Variants in TCF12 observed in about 807,000 individuals in gnomAD.
TCF12 encodes the protein transcription factor 12.
TCF12 carries 45 observed loss-of-function variants against 86.0 expected under a neutral mutation model. The observed-to-expected ratio is 0.52, with a 90% CI of 0.41 to 0.67. The LOEUF (loss-of-function observed/expected upper bound fraction) is 0.67. Ranked by LOEUF, TCF12 falls within the 30% of genes least tolerant of loss-of-function variation. TCF12 has a pLI of 0.00. For missense variants in TCF12, 881 were observed against 859.9 expected, an observed-to-expected ratio of 1.02 and a Z score of -0.31; for synonymous variants, 330 against 299.6, an observed-to-expected ratio of 1.10 and a Z score of -1.05.
chr15:57,007,802 C>CTTTA (rs760842955), intron 3 of TCF12, among the ~76,000 whole-genome samples: 1 of 121,024 alleles, frequency 8.3e-6, no homozygotes, highest in East Asian at 2.4e-4. Flanking sequence ...CTCTTTCTTT[C>CTTTA]TTTCTTTCTT....
At chr15:57,201,604 A>G (rs2057545828) in intron 8 of TCF12, among the ~76,000 whole-genome samples, 1 of 152,138 alleles carries the variant, frequency 6.6e-6, no homozygotes, top group African/African-American at 2.4e-5. Context: ...CACACATAAA[A>G]TCAGTACAGA....
rs150461157 is a variant in TCF12, at chr15:57,165,216, A to C, written c.326-1186A>C. Among the ~76,000 whole-genome samples, 111 of 152,208 alleles carry C rather than the reference A, an allele frequency of 7.3e-4. 1 individual carries two copies. Among genetic ancestry groups the C allele is most frequent in the African/African-American group, 2.5e-3 (103 of 41,520 alleles). On this transcript the variant is annotated intron_variant, in intron 5 of 20. Coordinates refer to ENST00000333725, the MANE Select transcript of TCF12 (RefSeq NM_207037.2). ...GTTTCAATATTGCTCATGACAAAAAAATATAAAAACTATCTTTCCGTAGGG... is the reference window on the plus strand; with the variant it reads ...GTTTCAATATTGCTCATGACAAAAACATATAAAAACTATCTTTCCGTAGGG...
Position 57,192,195 on chromosome 15 carries a change from C to A in TCF12, c.428C>A (p.Pro143Gln). 6.2e-7 allele frequency: 1 copy of A among 1,613,990 alleles called. No individual in the cohort carries two copies. The highest frequency in any genetic ancestry group is 1.7e-5 in the Admixed American group (1 of 60,000). Residue 143 changes from proline to glutamine, a missense_variant, in exon 7 of 21, where the codon CCA becomes CAA. This residue lies in a region of TCF12 where 766 missense variants were observed against 718.9 expected (regional missense o/e 1.07). Transcript: ENST00000333725. ...AGACAAGATCTGGGGCTTGGGAGCCCAGCACAGCTATCTTCTTCAGGAAAA... is the reference window on the plus strand; with the variant it reads ...AGACAAGATCTGGGGCTTGGGAGCCAAGCACAGCTATCTTCTTCAGGAAAA... Reference protein sequence around the residue: ...LLRQDLGLGSPAQLSSSGKPG... With the variant: ...LLRQDLGLGSQAQLSSSGKPG...
intron 3 of TCF12, among the ~76,000 whole-genome samples, chr15:57,048,335 C>G (rs1331340458): frequency 6.6e-6 from 1 of 152,106 alleles, no homozygotes; most frequent in African/African-American, 2.4e-5. Flanking sequence ...GATCTCGGCT[C>G]ACTGTAAGCT....
chr15:57,205,092 C>T (rs2151785082), intron 8 of TCF12, among the ~76,000 whole-genome samples: 1 of 152,146 alleles, frequency 6.6e-6, no homozygotes, highest in South Asian at 2.1e-4. Context: ...GCGGGCAGAT[C>T]ACTTGAGCCC....
intron 5 of TCF12, among the ~76,000 whole-genome samples, chr15:57,149,635 A>G (rs2053602467): frequency 1.3e-5 from 2 of 152,216 alleles, no homozygotes; most frequent in Admixed American, 6.5e-5. Flanking sequence ...CCAAGAGTTT[A>G]TCAAACCCAT....
At chr15:56,929,974 A>T (rs1470374565) in intron 3 of TCF12, among the ~76,000 whole-genome samples, 1 of 152,118 alleles carries the variant, frequency 6.6e-6, no homozygotes, top group Non-Finnish European at 1.5e-5. Flanking sequence ...TTGTCAGTGT[A>T]TTTGCTTCTG....
chr15:57,137,158 T>G (rs969415718), intron 5 of TCF12, among the ~76,000 whole-genome samples: 8 of 151,974 alleles, frequency 5.3e-5, no homozygotes, highest in African/African-American at 1.9e-4. Flanking sequence ...TTTTTGTATT[T>G]TTAGTAGAGA....
intron 3 of TCF12, among the ~76,000 whole-genome samples, chr15:57,007,113 A>G (rs1453421921): frequency 1.3e-5 from 2 of 152,208 alleles, no homozygotes; most frequent in Admixed American, 6.5e-5. Flanking sequence ...ATTGTATTCT[A>G]CAAAGTATAG....
intron 3 of TCF12, among the ~76,000 whole-genome samples, chr15:56,946,284 T>C (rs537501602): frequency 6.6e-6 from 1 of 152,310 alleles, no homozygotes; most frequent in Admixed American, 6.5e-5. Context: ...TTTTTTAAAA[T>C]ATTTTCCTTC....
chr15:57,269,670 G>A (rs942574833), intron 18 of TCF12, among the ~76,000 whole-genome samples: 31 of 151,954 alleles, frequency 2.0e-4, no homozygotes, highest in African/African-American at 7.3e-4. Flanking sequence ...TTACAATTTG[G>A]CATGTTTTTG....
intron 4 of TCF12, among the ~76,000 whole-genome samples, chr15:57,070,910 G>A (rs185934370): frequency 4.6e-5 from 7 of 152,168 alleles, no homozygotes; most frequent in African/African-American, 1.7e-4. Context: ...GCAACCTGTA[G>A]TTTCCTTCCT....
At position 57,143,962 on chromosome 15, in the gene TCF12, T is replaced by C. The variant is rs1479512847; in HGVS notation, c.326-22440T>C. ...GGGTTTTTTTGACAATTGAGTTCTT[T>C]TAGGAGGCTCTGCTTTTAGGCAGAT... is the stretch of plus-strand genomic sequence containing the variant. On this transcript the variant is annotated intron_variant, in intron 5 of 20. Coordinates refer to ENST00000333725, the MANE Select transcript of TCF12 (RefSeq NM_207037.2). Among the ~76,000 whole-genome samples the C allele has an allele frequency of 2.0e-5, 3 of 152,142 alleles. No individual in the cohort carries two copies. In the East Asian group the frequency reaches 5.8e-4, roughly 29 times the overall value.
At chr15:57,231,121 A>T (rs1423165713) in intron 8 of TCF12, 31 bp from the exon 9 acceptor site, 1 of 1,509,876 alleles carries the variant, frequency 6.6e-7, no homozygotes, top group Admixed American at 1.7e-5. Flanking sequence ...AGTCATTTAC[A>T]TTTTAATTAA....
chr15:57,219,923 A>C (rs1205577962), intron 8 of TCF12, among the ~76,000 whole-genome samples: 1 of 151,760 alleles, frequency 6.6e-6, no homozygotes, highest in East Asian at 1.9e-4. Flanking sequence ...ACGCGGTTTT[A>C]TCATGTTGGC....
At chr15:57,041,112 G>C (rs557711628) in intron 3 of TCF12, among the ~76,000 whole-genome samples, 1 of 152,232 alleles carries the variant, frequency 6.6e-6, no homozygotes, top group South Asian at 2.1e-4. Flanking sequence ...CCTGACATCA[G>C]GTACTTCTTC....
chr15:57,041,475 G>T (rs1309887007), intron 3 of TCF12, among the ~76,000 whole-genome samples: 31 of 152,242 alleles, frequency 2.0e-4, no homozygotes, highest in African/African-American at 7.0e-4. Context: ...ATTCATTGTG[G>T]TGATGAAAGC....
intron 8 of TCF12, chr15:57,219,720 CTT>C (rs11395092): frequency 0.035 from 10,182 of 292,184 alleles, no homozygotes; most frequent in East Asian, 0.053. Context: ...TTGTAGATTT[CTT>C]TTTTTTTTTT....
At position 57,145,147 on chromosome 15, in the gene TCF12, T is replaced by A. The variant is rs1181746953; in HGVS notation, c.326-21255T>A. On this transcript the variant is annotated intron_variant, in intron 5 of 20. Transcript: ENST00000333725. ...AACATTTCCATATGCCCAGGGCTAC[T>A]GTGCTGCTTTAGTCTTCTGCTCTAA... 2.6e-5 allele frequency among the ~76,000 whole-genome samples: 4 copies of A among 152,236 alleles called. No individual in the cohort carries two copies. The South Asian group carries it at 6.2e-4, about 24-fold the overall frequency.
Sources: gnomAD v4.1 joint callset for allele counts (sites outside exome capture counted in the v4.1 genomes callset) on GRCh38, gnomAD v4.1.1 for gene constraint, gnomAD v4.1.1 regional missense constraint, MANE v1.5 for transcripts, NCBI Gene and HGNC (gene_info 2026-07-23, HGNC 2026-07-21) for gene names.